ROBO2: variants seen among roughly 807,000 people sequenced by gnomAD.
ROBO2 encodes roundabout guidance receptor 2, also known as roundabout homolog 2.
ROBO2 carries 53 observed loss-of-function variants against 160.8 expected under a neutral mutation model. The observed-to-expected ratio is 0.33, with a 90% CI of 0.26 to 0.41. The LOEUF (loss-of-function observed/expected upper bound fraction) is 0.41, where lower values mean the gene tolerates loss of function less well. Among genes scored for constraint, ROBO2 ranks in the 10% least tolerant of loss-of-function variants. ROBO2 has a pLI of 1.00. For synonymous variants in ROBO2, 664 were observed against 611.7 expected (o/e 1.09, Z -1.26); for missense variants, 1,577 against 1,722.4 (o/e 0.92, Z 1.49).
At chr3:77,483,865 G>GT (rs1219393145) in intron 4 of ROBO2, among the ~76,000 whole-genome samples, 2 of 150,848 alleles carry the variant, frequency 1.3e-5, no homozygotes, top group Non-Finnish European at 3.0e-5. Flanking sequence ...GGAATAAAGG[G>GT]TTTTTTCCAG....
At chr3:76,645,501 T>C (rs1250355058) in intron 2 of ROBO2, among the ~76,000 whole-genome samples, 1 of 152,158 alleles carries the variant, frequency 6.6e-6, no homozygotes, top group Non-Finnish European at 1.5e-5. Flanking sequence ...ACACAGTCCT[T>C]CCCTTTCAGA....
At chr3:75,995,967 C>T (rs2065716049) in intron 2 of ROBO2, among the ~76,000 whole-genome samples, 1 of 152,168 alleles carries the variant, frequency 6.6e-6, no homozygotes. Context: ...TTACCCAATG[C>T]TTATACCCAC....
chr3:76,630,839 C>A (rs1166480258), intron 2 of ROBO2, among the ~76,000 whole-genome samples: 1 of 152,068 alleles, frequency 6.6e-6, no homozygotes, highest in Admixed American at 6.5e-5. Flanking sequence ...ATTTCTTAAA[C>A]CGTGGTTATC....
chr3:77,074,773 T>G (rs1212733330), intron 1 of ROBO2, among the ~76,000 whole-genome samples: 2 of 151,124 alleles, frequency 1.3e-5, no homozygotes, highest in Non-Finnish European at 2.9e-5. Context: ...TGAAATCCTT[T>G]GAAGAAATAA....
Position 76,185,213 on chromosome 3 carries a change from T to TAG in ROBO2, c.109+247612_109+247613insGA, listed in dbSNP as rs1181932937. On this transcript the variant is annotated intron_variant, in intron 2 of 26. Coordinates refer to the ROBO2 transcript ENST00000487694. ...AAACACAGATATATATATATATATA[T>TAG]ATACACACACAAAGATGTTATATAT... Among the ~76,000 whole-genome samples, 505 of 82,926 alleles carry TAG rather than the reference T, an allele frequency of 6.1e-3. 8 individuals are homozygous for TAG. The highest frequency in any genetic ancestry group is 0.011 in the Non-Finnish European group (386 of 34,242). 54.4% of individuals were successfully genotyped at this position (82,926 alleles called of 152,430 possible).
At chr3:77,221,059 C>T (rs565643800) in intron 2 of ROBO2, among the ~76,000 whole-genome samples, 4 of 152,084 alleles carry the variant, frequency 2.6e-5, no homozygotes, top group East Asian at 1.9e-4. Flanking sequence ...TCTTGGGTTG[C>T]GTGAGCTAAA....
intron 2 of ROBO2, among the ~76,000 whole-genome samples, chr3:76,329,281 C>T (rs2073296232): frequency 6.6e-6 from 1 of 152,142 alleles, no homozygotes; most frequent in Admixed American, 6.5e-5. Context: ...TGCAGCGGCG[C>T]GATCTTAGTT....
At chr3:77,099,929 G>C (rs1328686933) in intron 2 of ROBO2, among the ~76,000 whole-genome samples, 1 of 151,676 alleles carries the variant, frequency 6.6e-6, no homozygotes, top group Non-Finnish European at 1.5e-5. Context: ...ATGAAATCTG[G>C]TCTATTTTAA....
intron 2 of ROBO2, among the ~76,000 whole-genome samples, chr3:76,555,945 GC>G (rs1048405864): frequency 6.6e-6 from 1 of 151,902 alleles, no homozygotes; most frequent in African/African-American, 2.4e-5. Context: ...AAAAAATTTG[GC>G]CAGGTGTGGT....
chr3:77,271,001 G>T (rs1057249461), intron 2 of ROBO2, among the ~76,000 whole-genome samples: 29 of 150,600 alleles, frequency 1.9e-4, no homozygotes, highest in Non-Finnish European at 3.4e-4. Context: ...TAATTTTTAT[G>T]TATATGATTT....
At chr3:76,600,276 C>A (rs2087037865) in intron 2 of ROBO2, among the ~76,000 whole-genome samples, 1 of 152,118 alleles carries the variant, frequency 6.6e-6, no homozygotes, top group South Asian at 2.1e-4. Flanking sequence ...AGCCAGTTAT[C>A]CCAGCATTTA....
chr3:77,191,149 A>C (rs2150941833), intron 2 of ROBO2, among the ~76,000 whole-genome samples: 1 of 152,258 alleles, frequency 6.6e-6, no homozygotes, highest in Admixed American at 6.6e-5. Context: ...AGTTAATAGT[A>C]ATAGAATACA....
rs528437071 is a variant in ROBO2, at chr3:77,228,247, G to A, written c.388+129907G>A. Among the ~76,000 whole-genome samples the A allele has an allele frequency of 7.1e-3, 1,074 of 152,062 alleles. 7 individuals are homozygous for A. Among genetic ancestry groups the A allele is most frequent in the Middle Eastern group, 0.027 (8 of 294 alleles). The stretch of plus-strand genomic sequence containing the variant: ...AGTGGCATGATCACAGCTTAATGCA[G>A]CCTTGAACTCCCGGGCTCAAGGGAT... On this transcript the variant is annotated intron_variant, in intron 2 of 25. Transcript: ENST00000461745.
At chr3:77,099,114 T>A (rs1377551472) in intron 2 of ROBO2, among the ~76,000 whole-genome samples, 1 of 137,712 alleles carries the variant, frequency 7.3e-6, no homozygotes, top group South Asian at 2.5e-4. Context: ...CGCTGTCACA[T>A]AGGCCGGAGT....
At chr3:77,317,379 G>C in intron 2 of ROBO2, 1 of 1,025,664 alleles carries the variant, frequency 9.7e-7, no homozygotes, top group Non-Finnish European at 1.5e-6. Context: ...TGTATTGTCG[G>C]GGTTCCATTT....
At chr3:76,019,066 T>G (rs2066488222) in intron 2 of ROBO2, among the ~76,000 whole-genome samples, 1 of 151,984 alleles carries the variant, frequency 6.6e-6, no homozygotes, top group African/African-American at 2.4e-5. Flanking sequence ...ATTTGCATTA[T>G]GGCCTCCCCA....
chr3:77,381,544 C>T (rs2073468166), intron 2 of ROBO2, among the ~76,000 whole-genome samples: 1 of 152,134 alleles, frequency 6.6e-6, no homozygotes, highest in Admixed American at 6.5e-5. Context: ...TTTCAGCATC[C>T]CTTCAATGAT....
At chr3:76,847,155 G>A (rs1350300210) in intron 2 of ROBO2, among the ~76,000 whole-genome samples, 1 of 151,944 alleles carries the variant, frequency 6.6e-6, no homozygotes, top group Non-Finnish European at 1.5e-5. Flanking sequence ...AAGGTGAGGT[G>A]GCATAGCACA....
intron 2 of ROBO2, among the ~76,000 whole-genome samples, chr3:77,385,753 C>T (rs1368567727): frequency 6.6e-6 from 1 of 152,086 alleles, no homozygotes; most frequent in Non-Finnish European, 1.5e-5. Flanking sequence ...AAGTTCCTGC[C>T]GCACAGTAAG....
Sources: gnomAD v4.1 joint callset for allele counts (sites outside exome capture counted in the v4.1 genomes callset) on GRCh38, gnomAD v4.1.1 for gene constraint, MANE v1.5 for transcripts, NCBI Gene and HGNC (gene_info 2026-07-23, HGNC 2026-07-21) for gene names.